Variants in FHIT observed in about 807,000 individuals in gnomAD.
FHIT encodes the protein bis(5'-adenosyl)-triphosphatase.
In FHIT, 19 loss-of-function variants were observed where a neutral mutation model predicts 17.9. The observed-to-expected ratio is 1.06, with a 90% confidence interval of 0.74 to 1.56. The LOEUF (loss-of-function observed/expected upper bound fraction) is 1.56, where lower values mean the gene tolerates loss of function less well. Among genes scored for constraint, FHIT ranks in the 40% most tolerant of loss-of-function variants. The pLI is 0.00. For missense variants in FHIT, 248 were observed against 189.2 expected, an observed-to-expected ratio of 1.31 and a Z score of -1.82; for synonymous variants, 81 against 69.7, an observed-to-expected ratio of 1.16 and a Z score of -0.81.
At chr3:60,137,907 C>T (rs758386073) in intron 5 of FHIT, among the ~76,000 whole-genome samples, 26 of 152,292 alleles carry the variant, frequency 1.7e-4, no homozygotes, top group Non-Finnish European at 3.1e-4. Context: ...GCAATGGTTA[C>T]ATGCTTCTCA....
intron 3 of FHIT, among the ~76,000 whole-genome samples, chr3:60,965,056 T>A (rs2107511791): frequency 6.6e-6 from 1 of 152,346 alleles, no homozygotes; most frequent in African/African-American, 2.4e-5. Context: ...TCCTCATCAC[T>A]TTCAGGTACA....
chr3:59,915,760 C>T (rs146418890), intron 8 of FHIT, among the ~76,000 whole-genome samples: 1,687 of 152,078 alleles, frequency 0.011, 18 homozygotes, highest in Middle Eastern at 0.085. Flanking sequence ...GACAACATTG[C>T]GAGACCTGTC....
chr3:60,309,441 A>C (rs1708838589), intron 5 of FHIT, among the ~76,000 whole-genome samples: 1 of 152,158 alleles, frequency 6.6e-6, no homozygotes, highest in African/African-American at 2.4e-5. Flanking sequence ...ACTAAAAAAA[A>C]TACACTGCAG....
At chr3:60,563,307 A>C (rs368864865) in intron 4 of FHIT, among the ~76,000 whole-genome samples, 12 of 152,362 alleles carry the variant, frequency 7.9e-5, no homozygotes, top group African/African-American at 2.9e-4. Context: ...GAGGATGGTC[A>C]AAGAACCAGT....
chr3:60,863,885 C>T (rs1553753251), intron 3 of FHIT, among the ~76,000 whole-genome samples: 1 of 152,140 alleles, frequency 6.6e-6, no homozygotes, highest in African/African-American at 2.4e-5. Flanking sequence ...TGTCTCATTT[C>T]CCTTCACAAC....
intron 5 of FHIT, among the ~76,000 whole-genome samples, chr3:60,262,970 A>G (rs1559771076): frequency 6.6e-6 from 1 of 152,012 alleles, no homozygotes; most frequent in Admixed American, 6.6e-5. Flanking sequence ...TAATGCAAAT[A>G]CTTAATAAAC....
intron 5 of FHIT, among the ~76,000 whole-genome samples, chr3:60,093,373 C>T (rs529334408): frequency 6.6e-6 from 1 of 152,264 alleles, no homozygotes; most frequent in South Asian, 2.1e-4. Flanking sequence ...GCTTTTCTGC[C>T]TCCCACCTCC....
intron 5 of FHIT, among the ~76,000 whole-genome samples, chr3:60,389,264 C>G (rs1045332868): frequency 6.6e-6 from 1 of 152,142 alleles, no homozygotes; most frequent in Non-Finnish European, 1.5e-5. Context: ...CATAAGCCCT[C>G]CAGGTAATTC....
At chr3:61,123,607 A>C (rs867495021) in intron 2 of FHIT, among the ~76,000 whole-genome samples, 81 of 152,176 alleles carry the variant, frequency 5.3e-4, no homozygotes, top group African/African-American at 1.8e-3. Flanking sequence ...ACATTAGAAG[A>C]AGCAGAAATC....
At chr3:59,982,247 C>T (rs560401451) in intron 7 of FHIT, among the ~76,000 whole-genome samples, 114 of 150,766 alleles carry the variant, frequency 7.6e-4, no homozygotes, top group African/African-American at 2.8e-3. Context: ...AAATAACATC[C>T]CTGAAGATGG....
intron 2 of FHIT, among the ~76,000 whole-genome samples, chr3:61,130,465 A>C (rs555750594): frequency 6.6e-6 from 1 of 152,356 alleles, no homozygotes; most frequent in East Asian, 1.9e-4. Context: ...AACAGGGTAA[A>C]CATAAAGAAA....
In FHIT at chr3:60,192,284, G is replaced by A. The variant is rs547677124; in HGVS notation, c.104-178132C>T. ...AAAAAAAAAAGTTAAAGGATAGACA[G>A]GCAAAAGTTCAATGGCCTTTGAAAA... On this transcript the variant is annotated intron_variant, in intron 5 of 9. Coordinates refer to ENST00000492590, the MANE Select transcript of FHIT (RefSeq NM_002012.4). Among the ~76,000 whole-genome samples the A allele has an allele frequency of 4.0e-5, 6 of 151,038 alleles. No homozygotes were observed. The South Asian group carries it at 1.0e-3, about 26-fold the overall frequency.
intron 5 of FHIT, among the ~76,000 whole-genome samples, chr3:60,485,887 C>T (rs771701478): frequency 5.3e-5 from 8 of 151,978 alleles, no homozygotes; most frequent in Non-Finnish European, 1.2e-4. Context: ...AGACCCCAAC[C>T]TATAATTACT....
chr3:60,948,641 G>A (rs1708739588), intron 3 of FHIT, among the ~76,000 whole-genome samples: 1 of 152,142 alleles, frequency 6.6e-6, no homozygotes, highest in South Asian at 2.1e-4. Context: ...GGAGAATGAA[G>A]AGCAGCAGAA....
chr3:60,827,512 G>A (rs554505488), intron 3 of FHIT, among the ~76,000 whole-genome samples: 36 of 152,150 alleles, frequency 2.4e-4, no homozygotes, highest in Non-Finnish European at 4.7e-4. Flanking sequence ...GCTATTTTGC[G>A]CCTTTGAATT....
At chr3:60,983,135 TTGTG>T (rs60471009) in intron 3 of FHIT, among the ~76,000 whole-genome samples, 489 of 148,512 alleles carry the variant, frequency 3.3e-3, no homozygotes, top group Middle Eastern at 3.4e-3. Context: ...ACCTTCTCTC[TTGTG>T]TGTGTGTGTG....
At chr3:61,214,595 C>T (rs989687310) in intron 1 of FHIT, among the ~76,000 whole-genome samples, 22 of 152,186 alleles carry the variant, frequency 1.4e-4, no homozygotes, top group African/African-American at 5.1e-4. Flanking sequence ...GGAACTGGTA[C>T]CATTCCTTCT....
intron 7 of FHIT, among the ~76,000 whole-genome samples, chr3:59,940,236 A>G (rs933792488): frequency 1.3e-5 from 2 of 152,224 alleles, no homozygotes; most frequent in African/African-American, 4.8e-5. Context: ...TGCAGCTATC[A>G]TTGCTGCTGC....
chr3:60,609,563 G>A (rs1267836403), intron 4 of FHIT, among the ~76,000 whole-genome samples: 1 of 152,050 alleles, frequency 6.6e-6, no homozygotes, highest in Non-Finnish European at 1.5e-5. Flanking sequence ...CTGACCTTGT[G>A]ACTCACCCAC....
Sources: gnomAD v4.1 joint callset for allele counts (sites outside exome capture counted in the v4.1 genomes callset) on GRCh38, gnomAD v4.1.1 for gene constraint, MANE v1.5 for transcripts, NCBI Gene and HGNC (gene_info 2026-07-23, HGNC 2026-07-21) for gene names.